Variants in TMEM114 observed in about 807,000 individuals in gnomAD.
TMEM114 encodes claudin-26.
Under a neutral mutation model 6.2 loss-of-function variants are expected in TMEM114, and 6 were observed. That is an observed-to-expected ratio of 0.97 (90% CI 0.53 to 1.91). The LOEUF (loss-of-function observed/expected upper bound fraction) is 1.91, where lower values mean the gene tolerates loss of function less well. TMEM114 is among the 40% of genes most tolerant of loss of function. TMEM114 has a pLI of 0.01. For synonymous variants in TMEM114, 104 were observed against 73.0 expected (o/e 1.42, Z -2.16); for missense variants, 218 against 158.3 (o/e 1.38, Z -2.02).
intron 2 of TMEM114, among the ~76,000 whole-genome samples, chr16:8,579,583 C>A (rs1306866848): frequency 6.6e-6 from 1 of 152,062 alleles, no homozygotes; most frequent in East Asian, 1.9e-4. Flanking sequence ...GGGTTCAAAT[C>A]CTGACTCCGC....
the TMEM114 span, chr16:8,531,825 A>G: frequency 3.3e-5 from 5 of 152,218 alleles, no homozygotes; most frequent in African/African-American, 4.8e-5. Context: ...ACTCAGAGGG[A>G]TTGTCAATTA....
chr16:8,543,697 G>A (rs1346691684), intron 2 of TMEM114, among the ~76,000 whole-genome samples: 1 of 152,084 alleles, frequency 6.6e-6, no homozygotes, highest in Non-Finnish European at 1.5e-5. Flanking sequence ...AACATGGACT[G>A]TATCACCCTA....
chr16:8,563,181 G>GTGAA (rs1901342339), intron 2 of TMEM114, among the ~76,000 whole-genome samples: 1 of 139,344 alleles, frequency 7.2e-6, no homozygotes, highest in Non-Finnish European at 1.6e-5. Context: ...AAATGAGTGA[G>GTGAA]TGAATGAGTG....
chr16:8,589,516 A>T (rs1902417933), intron 1 of TMEM114, 103 bp downstream of exon 1: 2 of 398,146 alleles, frequency 5.0e-6, no homozygotes, highest in Non-Finnish European at 8.9e-6. Context: ...TATTTTAGGG[A>T]CTTGGGGGAG....
chr16:8,543,041 A>C (rs1219265735), intron 2 of TMEM114, among the ~76,000 whole-genome samples: 1 of 152,226 alleles, frequency 6.6e-6, no homozygotes, highest in Non-Finnish European at 1.5e-5. Flanking sequence ...ACGAAAATAG[A>C]CAAGAATACA....
intron 2 of TMEM114, among the ~76,000 whole-genome samples, chr16:8,558,301 G>A (rs1223304056): frequency 1.3e-5 from 2 of 152,132 alleles, no homozygotes; most frequent in African/African-American, 4.8e-5. Context: ...GGTGGGCCAT[G>A]CACCCTCTGA....
intron 2 of TMEM114, among the ~76,000 whole-genome samples, chr16:8,551,383 T>C (rs377314717): frequency 7.9e-5 from 12 of 152,200 alleles, no homozygotes; most frequent in East Asian, 3.8e-4. Context: ...ACTGAGCAAG[T>C]GGCTTAGCCT....
At chr16:8,565,790 A>G (rs1202782701), downstream of TMEM114, among the ~76,000 whole-genome samples, 1 of 152,112 alleles carries the variant, frequency 6.6e-6, no homozygotes, top group Non-Finnish European at 1.5e-5. Context: ...TGAACATAAC[A>G]ATGCCCAGGT....
At chr16:8,581,008 A>T (rs1310448454) in intron 2 of TMEM114, among the ~76,000 whole-genome samples, 1 of 152,166 alleles carries the variant, frequency 6.6e-6, no homozygotes, top group Non-Finnish European at 1.5e-5. Flanking sequence ...ATACTTTAAC[A>T]GATCTGAAAA....
chr16:8,569,508 A>C lies in TMEM114; in HGVS notation c.*265T>G, dbSNP rs1387234654. ...ATCTGTAAAGCTCTGTGTGTGATTA[A>C]AGGATCGTTTTTATTTCTCGCGAAG... On this transcript the variant is annotated 3_prime_UTR_variant, in exon 4 of 4. Coordinates refer to ENST00000620492, the MANE Select transcript of TMEM114 (RefSeq NM_001146336.2). 5.1e-6 allele frequency: 7 copies of C among 1,375,820 alleles called. No individual in the cohort carries two copies. The highest frequency in any genetic ancestry group is 6.6e-6 in the Non-Finnish European group (7 of 1,064,520). The allele number at this position is 1,375,820 out of a possible 1,614,324, so 85.2% of individuals were successfully genotyped here. A position where few individuals can be genotyped will look rare whatever the true frequency, so the allele number is the denominator to read the frequency against.
chr16:8,565,176 T>A (rs1219120031), downstream of TMEM114, among the ~76,000 whole-genome samples: 1 of 152,072 alleles, frequency 6.6e-6, no homozygotes. Context: ...CATGGATGGA[T>A]GAGTGAATTG....
chr16:8,549,865 C>T (rs755842059), intron 2 of TMEM114, among the ~76,000 whole-genome samples: 7 of 152,134 alleles, frequency 4.6e-5, no homozygotes, highest in Admixed American at 1.3e-4. Flanking sequence ...AGAATTGGCT[C>T]ACATGATCAC....
At chr16:8,563,582 T>A (rs1269819372) in intron 2 of TMEM114, among the ~76,000 whole-genome samples, 3 of 146,870 alleles carry the variant, frequency 2.0e-5, no homozygotes, top group Non-Finnish European at 4.5e-5. Flanking sequence ...AGGAAATGAG[T>A]GAGTGAATGA....
At chr16:8,537,886 A>G (rs572693176) in intron 2 of TMEM114, 4 of 152,326 alleles carry the variant, frequency 2.6e-5, no homozygotes, top group East Asian at 3.9e-4. Flanking sequence ...CAAGATATGT[A>G]TAAGCATAAA....
chr16:8,565,840 C>A (rs569348570), downstream of TMEM114, among the ~76,000 whole-genome samples: 53 of 152,296 alleles, frequency 3.5e-4, no homozygotes, highest in African/African-American at 1.2e-3. Context: ...TCCATTGGGG[C>A]CCCAGTGCTA....
intron 2 of TMEM114, among the ~76,000 whole-genome samples, chr16:8,573,543 C>G (rs1051734639): frequency 6.6e-5 from 10 of 151,476 alleles, no homozygotes; most frequent in African/African-American, 1.7e-4. Flanking sequence ...AGCTTCCCAG[C>G]AGCCAAAGAA....
downstream of TMEM114, among the ~76,000 whole-genome samples, chr16:8,567,391 A>G (rs1901581226): frequency 6.6e-6 from 1 of 152,200 alleles, no homozygotes; most frequent in African/African-American, 2.4e-5. Flanking sequence ...GGTATCTGGC[A>G]AGCATTTATC....
chr16:8,549,631 G>A (rs552990701), intron 2 of TMEM114, among the ~76,000 whole-genome samples: 4 of 152,018 alleles, frequency 2.6e-5, no homozygotes, highest in African/African-American at 9.7e-5. Flanking sequence ...TCCTTCGTGT[G>A]TGTGTGTATG....
At position 8,572,134 on chromosome 16, in the gene TMEM114, T is replaced by C. The variant is rs2141685086; in HGVS notation, c.392A>G (p.Gln131Arg). The C allele has an allele frequency of 6.4e-7, 1 of 1,551,460 alleles. No homozygotes were observed. Among genetic ancestry groups the C allele is most frequent in the Non-Finnish European group, 8.7e-7 (1 of 1,146,912 alleles). The change falls in exon 3 of 4, where the codon CAA becomes CGA. Residue 131 changes from glutamine (Q) to arginine (R), a missense_variant. Gln to Arg is a conservative substitution (Grantham distance 43, BLOSUM62 1). Coordinates refer to ENST00000620492, the MANE Select transcript of TMEM114 (RefSeq NM_001146336.2). ...AGTGAGCAGGAGGAGGAGGTAGGCTTGGAGGAGGAAGCTCAGAAACCCCGT... is the reference window on the plus strand; with the variant it reads ...AGTGAGCAGGAGGAGGAGGTAGGCTCGGAGGAGGAAGCTCAGAAACCCCGT... ...GMTGFLSFLL[Q>R]AYLLLLLTGI...
Sources: gnomAD v4.1 joint callset for allele counts (sites outside exome capture counted in the v4.1 genomes callset) on GRCh38, gnomAD v4.1.1 for gene constraint, MANE v1.5 for transcripts, NCBI Gene and HGNC (gene_info 2026-07-23, HGNC 2026-07-21) for gene names.